The following ZBTB20 variants were observed in gnomAD, a reference collection of about 807,000 sequenced individuals.
The protein encoded by ZBTB20 is zinc finger and BTB domain containing 20, also known as zinc finger and BTB domain-containing protein 20.
ZBTB20 carries 9 observed loss-of-function variants against 56.9 expected under a neutral mutation model. That is an observed-to-expected ratio of 0.16 (90% CI 0.10 to 0.28). ZBTB20 has a LOEUF of 0.28. Among genes scored for constraint, ZBTB20 ranks in the 10% least tolerant of loss-of-function variants. The pLI, the probability that ZBTB20 is intolerant of heterozygous loss-of-function variation, is 1.00. For missense variants in ZBTB20, 655 were observed against 1,003.0 expected, an observed-to-expected ratio of 0.65 and a Z score of 4.69; for synonymous variants, 417 against 420.7, an observed-to-expected ratio of 0.99 and a Z score of 0.11.
intron 6 of ZBTB20, among the ~76,000 whole-genome samples, chr3:114,502,549 C>A (rs1428212648): frequency 6.6e-6 from 1 of 152,150 alleles, no homozygotes; most frequent in East Asian, 1.9e-4. Flanking sequence ...TCACAAAATT[C>A]ATGAGTTTAA....
At chr3:115,003,305 A>G (rs1050657852) in intron 2 of ZBTB20, among the ~76,000 whole-genome samples, 1 of 151,642 alleles carries the variant, frequency 6.6e-6, no homozygotes, top group African/African-American at 2.4e-5. Context: ...TAATGCATCA[A>G]TATTGGTTCA....
At chr3:114,828,492 TTG>T (rs1447475565) in intron 4 of ZBTB20, among the ~76,000 whole-genome samples, 1 of 151,882 alleles carries the variant, frequency 6.6e-6, no homozygotes, top group African/African-American at 2.4e-5. Flanking sequence ...GGAAATTGTT[TTG>T]TTATGTGATT....
chr3:114,573,653 T>C (rs1577672545), intron 6 of ZBTB20, among the ~76,000 whole-genome samples: 1 of 151,782 alleles, frequency 6.6e-6, no homozygotes, highest in African/African-American at 2.4e-5. Flanking sequence ...GCTAATCACT[T>C]AAGGCAAAGG....
At chr3:114,715,195 C>T (rs903575924) in intron 5 of ZBTB20, among the ~76,000 whole-genome samples, 8 of 152,134 alleles carry the variant, frequency 5.3e-5, no homozygotes, top group South Asian at 2.1e-4. Flanking sequence ...CAATTACTGC[C>T]GCTCAAAAAA....
rs571646315 is a variant in ZBTB20 at position 114,381,738 on chromosome 3, T to C, written c.-153-798A>G. On this transcript the variant is annotated intron_variant, in intron 8 of 11. Transcript: ENST00000675478. Reference sequence around the variant, plus strand: ...TAGTTAAATCTGCCCTCGCAGAATATGGTGTTATGATTAGTATGCTGTGTT... The same window carrying C: ...TAGTTAAATCTGCCCTCGCAGAATACGGTGTTATGATTAGTATGCTGTGTT... 7.8e-4 allele frequency among the ~76,000 whole-genome samples: 119 copies of C among 152,350 alleles called. 1 individual carries two copies. Among genetic ancestry groups the C allele is most frequent in the Admixed American group, 6.0e-3 (92 of 15,300 alleles).
intron 8 of ZBTB20, among the ~76,000 whole-genome samples, chr3:114,385,005 G>C (rs1290986782): frequency 6.6e-6 from 1 of 152,190 alleles, no homozygotes; most frequent in Admixed American, 6.5e-5. Flanking sequence ...CCAGGGTGTT[G>C]AGAGTGCTCT....
intron 5 of ZBTB20, among the ~76,000 whole-genome samples, chr3:114,765,446 A>G (rs1348326982): frequency 6.6e-6 from 1 of 152,148 alleles, no homozygotes; most frequent in African/African-American, 2.4e-5. Context: ...GATGCCTTAC[A>G]GGTCAAGGAA....
intron 2 of ZBTB20, among the ~76,000 whole-genome samples, chr3:115,032,405 A>G (rs1695921900): frequency 6.6e-6 from 1 of 151,530 alleles, no homozygotes; most frequent in African/African-American, 2.4e-5. Context: ...GAAAAGTTAC[A>G]TTACACAGTC....
intron 7 of ZBTB20, among the ~76,000 whole-genome samples, chr3:114,474,424 C>A (rs149372316): frequency 5.3e-5 from 8 of 152,212 alleles, no homozygotes; most frequent in African/African-American, 1.7e-4. Flanking sequence ...TGAAAAAGAC[C>A]TGCAAGCAGC....
chr3:115,046,317 C>G (rs2081331810), intron 2 of ZBTB20, among the ~76,000 whole-genome samples: 1 of 151,768 alleles, frequency 6.6e-6, no homozygotes, highest in Non-Finnish European at 1.5e-5. Context: ...TTTGACAGCA[C>G]TCAGTCCTAT....
chr3:114,599,578 G>A (rs925582675), intron 6 of ZBTB20, among the ~76,000 whole-genome samples: 1 of 152,018 alleles, frequency 6.6e-6, no homozygotes, highest in African/African-American at 2.4e-5. Flanking sequence ...TGTTGTTGCT[G>A]TTATTGAAAA....
chr3:115,059,943 T>C (rs553572330), intron 2 of ZBTB20, among the ~76,000 whole-genome samples: 21 of 152,356 alleles, frequency 1.4e-4, no homozygotes, highest in East Asian at 9.6e-4. Context: ...AATACAGGAA[T>C]TGAATTTATT....
intron 7 of ZBTB20, among the ~76,000 whole-genome samples, chr3:114,417,015 C>G (rs1370765221): frequency 2.0e-5 from 3 of 152,002 alleles, no homozygotes; most frequent in Non-Finnish European, 4.4e-5. Context: ...GTTTTATTTT[C>G]TTACCAAATA....
chr3:115,042,413 C>T (rs551756611), intron 2 of ZBTB20, among the ~76,000 whole-genome samples: 2 of 152,246 alleles, frequency 1.3e-5, no homozygotes, highest in African/African-American at 2.4e-5. Flanking sequence ...TCTGCTCAAA[C>T]GCAGAGGAAA....
chr3:114,624,560 C>A (rs2058542191), intron 6 of ZBTB20, among the ~76,000 whole-genome samples: 1 of 152,154 alleles, frequency 6.6e-6, no homozygotes, highest in Non-Finnish European at 1.5e-5. Flanking sequence ...TTGGGAAGTT[C>A]ATGTGAGTTC....
intron 6 of ZBTB20, among the ~76,000 whole-genome samples, chr3:114,549,361 A>G (rs905958229): frequency 2.6e-5 from 4 of 152,198 alleles, no homozygotes; most frequent in East Asian, 3.8e-4. Context: ...CACTTCTTCT[A>G]TCAGCCCTAT....
intron 3 of ZBTB20, among the ~76,000 whole-genome samples, chr3:114,966,221 T>C (rs796761907): frequency 2.0e-5 from 3 of 152,262 alleles, no homozygotes; most frequent in African/African-American, 7.2e-5. Flanking sequence ...AGGAATAATC[T>C]CTTTCCCTTC....
intron 8 of ZBTB20, 30 bp from the exon 9 acceptor site, chr3:114,380,970 C>T (rs1335132689): frequency 2.4e-6 from 1 of 408,726 alleles, no homozygotes; most frequent in Non-Finnish European, 4.3e-6. Context: ...GATTAGAAGG[C>T]CTTAAAGGTT....
chr3:114,800,947 CTT>C (rs960138451), intron 5 of ZBTB20, among the ~76,000 whole-genome samples, 152 bp downstream of exon 5: 1 of 146,644 alleles, frequency 6.8e-6, no homozygotes. Context: ...AGACCAACAA[CTT>C]TTTTTTTTTA....
Sources: allele counts gnomAD v4.1 joint callset (sites outside exome capture counted in the v4.1 genomes callset), GRCh38; gene constraint gnomAD v4.1.1; transcripts MANE v1.5; gene names NCBI Gene and HGNC (gene_info 2026-07-23, HGNC 2026-07-21).